Variants in DACH2 observed in about 807,000 individuals in gnomAD.
DACH2 encodes the protein dachshund family transcription factor 2, also known as dachshund homolog 2.
In DACH2, 17 loss-of-function variants were observed where a neutral mutation model predicts 35.8. That is an observed-to-expected ratio of 0.48 (90% CI 0.33 to 0.71). The LOEUF (loss-of-function observed/expected upper bound fraction) is 0.71, where lower values mean the gene tolerates loss of function less well. DACH2 is among the 30% of genes least tolerant of loss of function. The probability of loss-of-function intolerance (pLI) is 0.02; values close to 1 mark genes in which losing one functional copy is unlikely to be tolerated. For missense variants in DACH2, 469 were observed against 472.7 expected (o/e 0.99, Z 0.07); for synonymous variants, 195 against 177.3 (o/e 1.10, Z -0.79).
chrX:86,150,764 C>T (rs762541529), intron 1 of DACH2, among the ~76,000 whole-genome samples: 10 of 111,891 alleles, frequency 8.9e-5, no homozygotes, highest in Non-Finnish European at 1.5e-4. Context: ...TTTATTAGTA[C>T]ACAAACTAAA....
At chrX:86,155,314 T>C (rs1466954198) in intron 1 of DACH2, among the ~76,000 whole-genome samples, 1 of 110,827 alleles carries the variant, frequency 9.0e-6, no homozygotes, top group Non-Finnish European at 1.9e-5. Flanking sequence ...ATTTATTCAC[T>C]TGGTAATGCT....
chrX:86,645,902 G>T (rs1051197338), intron 3 of DACH2, among the ~76,000 whole-genome samples: 1 of 110,632 alleles, frequency 9.0e-6, no homozygotes, highest in Non-Finnish European at 1.9e-5. Context: ...GTCTACTTTA[G>T]GGGAGAGGGT....
At chrX:86,167,758 A>T (rs4125499) in intron 1 of DACH2, among the ~76,000 whole-genome samples, 237 of 111,072 alleles carry the variant, frequency 2.1e-3, no homozygotes, top group African/African-American at 7.5e-3. Context: ...TATTTGTTTC[A>T]GTACAATTTT....
intron 5 of DACH2, among the ~76,000 whole-genome samples, chrX:86,702,967 A>G (rs2041161081): frequency 9.0e-6 from 1 of 111,306 alleles, no homozygotes; most frequent in Non-Finnish European, 1.9e-5. Context: ...CATAACCAAA[A>G]AAAGATAACT....
At chrX:86,681,020 ATATGTATC>A (rs2040875421) in intron 4 of DACH2, among the ~76,000 whole-genome samples, 1 of 110,614 alleles carries the variant, frequency 9.0e-6, no homozygotes, top group Non-Finnish European at 1.9e-5. Flanking sequence ...ATGTATCTAT[ATATGTATC>A]TATGTATCTA....
At chrX:86,315,517 G>A (rs938248077) in intron 1 of DACH2, among the ~76,000 whole-genome samples, 1 of 111,489 alleles carries the variant, frequency 9.0e-6, no homozygotes, top group Non-Finnish European at 1.9e-5. Flanking sequence ...AGCGGCCACA[G>A]ATAGTGATTC....
At chrX:86,277,927 T>C (rs933312924) in intron 1 of DACH2, among the ~76,000 whole-genome samples, 6 of 111,966 alleles carry the variant, frequency 5.4e-5, no homozygotes, top group African/African-American at 1.9e-4. Context: ...TGTTGTCTTC[T>C]CCTATTCTAT....
intron 2 of DACH2, among the ~76,000 whole-genome samples, chrX:86,398,177 G>A (rs2036340072): frequency 8.9e-6 from 1 of 112,047 alleles, no homozygotes; most frequent in Non-Finnish European, 1.9e-5. Flanking sequence ...TATTTGTGTA[G>A]AGATGTTTAT....
chrX:86,667,582 AAGAAAGAAAGAAAGAAAG>A (rs1285297368), intron 4 of DACH2, among the ~76,000 whole-genome samples: 8 of 102,356 alleles, frequency 7.8e-5, no homozygotes, highest in African/African-American at 3.1e-4. Context: ...GAAAGAAAGA[AAGAAAGAAAGAAAGAAAG>A]AAAGAAAGAA....
At chrX:86,303,182 G>C (rs187857645) in intron 1 of DACH2, among the ~76,000 whole-genome samples, 15 of 106,474 alleles carry the variant, frequency 1.4e-4, no homozygotes, top group African/African-American at 5.1e-4. Context: ...CAGGAATCAG[G>C]AGACTTGAAT....
In DACH2 at chrX:86,217,320, G is replaced by T. The variant is rs1010666336; in HGVS notation, c.488+68212G>T. ...TATTTGAAGAAAAATAGGTTGACTTGCAAATCGCTGTGCTCCATTCTACTT... is the reference window on the plus strand; with the variant it reads ...TATTTGAAGAAAAATAGGTTGACTTTCAAATCGCTGTGCTCCATTCTACTT... On this transcript the variant is annotated intron_variant, in intron 1 of 11. Coordinates refer to ENST00000373125, the MANE Select transcript of DACH2 (RefSeq NM_053281.3). 2.7e-5 allele frequency among the ~76,000 whole-genome samples: 3 copies of T among 111,315 alleles called. No homozygotes were observed. In the Admixed American group the frequency reaches 2.9e-4, roughly 11 times the overall value.
intron 1 of DACH2, among the ~76,000 whole-genome samples, chrX:86,323,327 G>A (rs1453731439): frequency 8.9e-6 from 1 of 111,938 alleles, no homozygotes; most frequent in Non-Finnish European, 1.9e-5. Context: ...ACATTCACTG[G>A]GGTAGGGAGT....
Position 86,401,455 on chromosome X carries a change from C to T in DACH2, c.527+24593C>T, listed in dbSNP as rs749428792. ...CTCAGTTGGAAATGCAGAAATCACC[C>T]GTCTTCTGTGTCGCTCACGCTGGGA... On this transcript the variant is annotated intron_variant, in intron 2 of 11. Coordinates refer to ENST00000373125, the MANE Select transcript of DACH2 (RefSeq NM_053281.3). Among the ~76,000 whole-genome samples the T allele has an allele frequency of 1.3e-4, 15 of 112,004 alleles. No homozygotes were observed. The South Asian group carries it at 3.4e-3, about 25-fold the overall frequency.
Position 86,333,870 on chromosome X carries a change from C to T in DACH2, c.489-42954C>T, listed in dbSNP as rs754717685. Among the ~76,000 whole-genome samples, 14 of 111,282 alleles carry T rather than the reference C, an allele frequency of 1.3e-4. No individual in the cohort carries two copies. In the South Asian group the frequency reaches 5.0e-3, roughly 39 times the overall value. ...TTTGCTGCAACCATCAACCCATCAT[C>T]TAATTAGGTATTTCTCCTAATGCTA... On this transcript the variant is annotated intron_variant, in intron 1 of 11. Transcript: ENST00000373125.
intron 1 of DACH2, among the ~76,000 whole-genome samples, chrX:86,246,023 A>G (rs985727322): frequency 1.8e-5 from 2 of 111,864 alleles, no homozygotes; most frequent in African/African-American, 6.5e-5. Context: ...TCACAATACA[A>G]TCAGAAGTAT....
intron 3 of DACH2, among the ~76,000 whole-genome samples, chrX:86,529,650 T>C (rs973455486): frequency 1.5e-4 from 16 of 108,843 alleles, no homozygotes; most frequent in African/African-American, 4.7e-4. Flanking sequence ...TTTTTTGTAT[T>C]TTTAGTAGAG....
chrX:86,345,990 CTGTT>C (rs1333751961), intron 1 of DACH2, among the ~76,000 whole-genome samples: 1 of 112,036 alleles, frequency 8.9e-6, no homozygotes, highest in African/African-American at 3.2e-5. Context: ...TATGTAGAAT[CTGTT>C]TGACTAACAG....
intron 5 of DACH2, among the ~76,000 whole-genome samples, chrX:86,699,014 T>C (rs1044755589): frequency 1.8e-5 from 2 of 111,210 alleles, no homozygotes. Flanking sequence ...AACAAGAAGA[T>C]ATTACATTCC....
At chrX:86,380,064 A>G (rs958789766) in intron 2 of DACH2, among the ~76,000 whole-genome samples, 3 of 111,389 alleles carry the variant, frequency 2.7e-5, no homozygotes, top group Non-Finnish European at 5.7e-5. Flanking sequence ...ACATATAAAT[A>G]AGATAATTCA....
Sources: allele counts gnomAD v4.1 joint callset (sites outside exome capture counted in the v4.1 genomes callset), GRCh38; gene constraint gnomAD v4.1.1; transcripts MANE v1.5; gene names NCBI Gene and HGNC (gene_info 2026-07-23, HGNC 2026-07-21).